The following LYST variants were observed in gnomAD, a reference collection of about 807,000 sequenced individuals.
The protein encoded by LYST is lysosomal-trafficking regulator.
A neutral mutation model predicts 413.6 loss-of-function variants in LYST; 192 were observed. The observed-to-expected ratio is 0.46, with a 90% CI of 0.41 to 0.52. LYST has a LOEUF of 0.52. Ranked by LOEUF, LYST falls within the 20% of genes least tolerant of loss-of-function variation. LYST has a pLI of 0.00. For synonymous variants in LYST, 1,525 were observed against 1,567.3 expected, an observed-to-expected ratio of 0.97 and a Z score of 0.64; for missense variants, 3,815 against 4,499.9, an observed-to-expected ratio of 0.85 and a Z score of 4.35.
At chr1:235,690,929 T>TC (rs1260963743) in intron 47 of LYST, among the ~76,000 whole-genome samples, 1 of 136,998 alleles carries the variant, frequency 7.3e-6, no homozygotes, top group Non-Finnish European at 1.6e-5. Context: ...TTTTTTTTTT[T>TC]CCCTTGAGAC....
intron 45 of LYST, among the ~76,000 whole-genome samples, chr1:235,700,286 G>C (rs922442153): frequency 2.0e-5 from 3 of 152,150 alleles, no homozygotes; most frequent in African/African-American, 7.2e-5. Flanking sequence ...CCATCAGAGT[G>C]AACAAGCAAC....
At position 235,806,316 on chromosome 1, in the gene LYST, C is replaced by T. The variant is rs1672827733; in HGVS notation, c.2820G>A (p.Met940Ile). ...GGCTCTCGAGAGATATACATGGCAG[C>T]ATATGACTTAAAGGCTCGCTGGCTG... Reference protein sequence around the residue: ...DSTASEPLSHMLPCISLESLV... With the variant: ...DSTASEPLSHILPCISLESLV... Residue 940 changes from methionine to isoleucine, a missense_variant, in exon 6 of 53, where the codon ATG becomes ATA. Met to Ile is a conservative substitution (Grantham distance 10). Around this residue, in one of 4 missense-constraint regions of LYST, gnomAD observed 1,648 missense variants for 1,810.3 expected, o/e 0.91. Coordinates refer to ENST00000389793, the MANE Select transcript of LYST (RefSeq NM_000081.4). 6.2e-7 allele frequency: 1 copy of T among 1,613,870 alleles called. No individual in the cohort carries two copies. Among genetic ancestry groups the T allele is most frequent in the African/African-American group, 1.3e-5 (1 of 74,884 alleles).
chr1:235,738,332 T>C (rs761331058), intron 31 of LYST: 13 of 1,611,910 alleles, frequency 8.1e-6, no homozygotes, highest in Non-Finnish European at 1.1e-5. Flanking sequence ...TTTGGTCCAG[T>C]GTAATGTGAA....
chr1:235,827,359 A>T, intron 3 of LYST: 1 of 846,610 alleles, frequency 1.2e-6, no homozygotes, highest in Non-Finnish European at 1.4e-6. Context: ...AAAAAGTGAG[A>T]CTCTGTCTCA....
At chr1:235,811,507 T>TA (rs1472969199) in intron 4 of LYST, among the ~76,000 whole-genome samples, 4 of 152,194 alleles carry the variant, frequency 2.6e-5, no homozygotes, top group African/African-American at 4.8e-5. Context: ...GTATAGACAC[T>TA]ATTATTTCAT....
intron 8 of LYST, among the ~76,000 whole-genome samples, chr1:235,801,418 C>T (rs569366396): frequency 3.0e-4 from 46 of 151,528 alleles, no homozygotes; most frequent in African/African-American, 1.0e-3. Flanking sequence ...CTTTCTGACC[C>T]CCCCCTCAAA....
intron 13 of LYST, among the ~76,000 whole-genome samples, chr1:235,788,279 C>A (rs1670638286): frequency 6.6e-6 from 1 of 152,146 alleles, no homozygotes; most frequent in African/African-American, 2.4e-5. Context: ...CCTGCTTCAG[C>A]CTCCCAAGTA....
chr1:235,678,343 T>A (rs1189827994), intron 48 of LYST, among the ~76,000 whole-genome samples: 1 of 152,132 alleles, frequency 6.6e-6, no homozygotes, highest in Non-Finnish European at 1.5e-5. Context: ...ATTTTATAGT[T>A]CTTGACAGTG....
chr1:235,740,280 C>G (rs575845188), intron 31 of LYST, among the ~76,000 whole-genome samples: 1 of 152,262 alleles, frequency 6.6e-6, no homozygotes, highest in Non-Finnish European at 1.5e-5. Flanking sequence ...GTATAACTTA[C>G]ATATAATAAA....
chr1:235,738,404 G>T, intron 31 of LYST: 3 of 1,613,504 alleles, frequency 1.9e-6, no homozygotes, highest in Non-Finnish European at 2.5e-6. Flanking sequence ...GTTGCTTATT[G>T]TTTCAAATCC....
intron 50 of LYST, among the ~76,000 whole-genome samples, chr1:235,675,710 T>C (rs1344652081): frequency 6.6e-6 from 1 of 152,184 alleles, no homozygotes; most frequent in Non-Finnish European, 1.5e-5. Context: ...TAATAAATGA[T>C]AGTTGTTAAG....
At chr1:235,706,083 A>G (rs907407188) in intron 44 of LYST, among the ~76,000 whole-genome samples, 1 of 152,118 alleles carries the variant, frequency 6.6e-6, no homozygotes, top group Non-Finnish European at 1.5e-5. Context: ...ATGAGCCACC[A>G]TGCCTGGCCT....
chr1:235,695,084 A>G (rs1412099384), intron 46 of LYST, among the ~76,000 whole-genome samples: 1 of 152,138 alleles, frequency 6.6e-6, no homozygotes, highest in Non-Finnish European at 1.5e-5. Flanking sequence ...TGCTGGGTCT[A>G]GTGTTGAGTG....
At chr1:235,707,235 A>G (rs1425542561) in intron 44 of LYST, among the ~76,000 whole-genome samples, 2 of 152,114 alleles carry the variant, frequency 1.3e-5, no homozygotes, top group African/African-American at 4.8e-5. Flanking sequence ...AGTCTTATTT[A>G]CTTTTGCATC....
intron 19 of LYST, among the ~76,000 whole-genome samples, chr1:235,772,372 T>G (rs1668794996): frequency 6.6e-6 from 1 of 152,188 alleles, no homozygotes; most frequent in Non-Finnish European, 1.5e-5. Flanking sequence ...TAATATTTGT[T>G]GATAATCTTG....
intron 4 of LYST, among the ~76,000 whole-genome samples, chr1:235,811,708 T>A (rs1247161588): frequency 6.6e-6 from 1 of 152,102 alleles, no homozygotes; most frequent in Non-Finnish European, 1.5e-5. Context: ...AATAAAAAAA[T>A]CTGTGCTTTA....
intron 1 of LYST, among the ~76,000 whole-genome samples, chr1:235,846,040 A>T (rs1572438157): frequency 1.3e-5 from 2 of 152,228 alleles, no homozygotes. Context: ...CCAGCACAAA[A>T]ATAGAGCATT....
chr1:235,700,495 T>G (rs1661462235), intron 45 of LYST, among the ~76,000 whole-genome samples: 1 of 152,212 alleles, frequency 6.6e-6, no homozygotes, highest in African/African-American at 2.4e-5. Flanking sequence ...ACAGCTCTGA[T>G]TGTTTTGAAC....
At position 235,662,668 on chromosome 1, in the gene LYST, A is replaced by T. The variant is rs2103003465; in HGVS notation, c.*272T>A. On this transcript the variant is annotated 3_prime_UTR_variant, in exon 53 of 53. Transcript: ENST00000389793. ...GAATACCTTGGTGGGAAAAAATTTT[A>T]AGAATATCATTTTAATGTACCATGC... is the stretch of plus-strand genomic sequence containing the variant. 1 of 449,474 alleles carries T rather than the reference A, an allele frequency of 2.2e-6. No individual in the cohort carries two copies. The highest frequency in any genetic ancestry group is 4.1e-6 in the Non-Finnish European group (1 of 244,576). 27.8% of individuals were successfully genotyped at this position (449,474 alleles called of 1,614,324 possible).
Sources: gnomAD v4.1 joint callset for allele counts (sites outside exome capture counted in the v4.1 genomes callset) on GRCh38, gnomAD v4.1.1 for gene constraint, gnomAD v4.1.1 regional missense constraint, MANE v1.5 for transcripts, NCBI Gene and HGNC (gene_info 2026-07-23, HGNC 2026-07-21) for gene names.